The following LEPROTL1 variants were observed in gnomAD, a reference collection of about 807,000 sequenced individuals.
LEPROTL1 encodes leptin receptor overlapping transcript like 1, also known as leptin receptor overlapping transcript-like 1.
In LEPROTL1, 6 loss-of-function variants were observed where a neutral mutation model predicts 15.4. That is an observed-to-expected ratio of 0.39 (90% CI 0.21 to 0.77). The LOEUF (loss-of-function observed/expected upper bound fraction) is 0.77, where lower values mean the gene tolerates loss of function less well. Among genes scored for constraint, LEPROTL1 ranks in the 30% least tolerant of loss-of-function variants. The pLI, the probability that LEPROTL1 is intolerant of heterozygous loss-of-function variation, is 0.41. For missense variants in LEPROTL1, 128 were observed against 158.1 expected (o/e 0.81, Z 1.02); for synonymous variants, 56 against 52.6 (o/e 1.06, Z -0.28).
At chr8:30,102,601 A>G (rs972010751) in intron 2 of LEPROTL1, among the ~76,000 whole-genome samples, 3 of 151,884 alleles carry the variant, frequency 2.0e-5, no homozygotes, top group African/African-American at 7.3e-5. Flanking sequence ...GCGGTGAGCC[A>G]AGATCACGCC....
At chr8:30,135,238 G>A (rs1464066452) in intron 4 of LEPROTL1, among the ~76,000 whole-genome samples, 2 of 152,120 alleles carry the variant, frequency 1.3e-5, no homozygotes, top group Non-Finnish European at 2.9e-5. Flanking sequence ...TATTTAGGGT[G>A]ACATCAGGCA....
intron 1 of LEPROTL1, among the ~76,000 whole-genome samples, chr8:30,100,047 G>A (rs562709371): frequency 7.1e-4 from 108 of 152,274 alleles, no homozygotes; most frequent in Non-Finnish European, 1.2e-3. Flanking sequence ...GAAGTGCCTC[G>A]TTTGCTGTAA....
intron 4 of LEPROTL1, among the ~76,000 whole-genome samples, chr8:30,136,380 C>T (rs1405583415): frequency 2.6e-5 from 4 of 152,220 alleles, no homozygotes; most frequent in African/African-American, 9.7e-5. Context: ...CGAGAATGGC[C>T]TCAGAAGAAC....
At chr8:30,113,994 G>A (rs1454437791) in intron 3 of LEPROTL1, among the ~76,000 whole-genome samples, 1 of 152,152 alleles carries the variant, frequency 6.6e-6, no homozygotes, top group Non-Finnish European at 1.5e-5. Context: ...GTTAAAGTTA[G>A]AGAACATTTT....
At chr8:30,101,854 ATAT>A in intron 1 of LEPROTL1, 41 bp from the exon 2 acceptor site, 1 of 1,185,934 alleles carries the variant, frequency 8.4e-7, no homozygotes, top group Non-Finnish European at 1.2e-6. Context: ...AATAAAAATA[ATAT>A]TTAATTTATA....
chr8:30,115,303 G>A (rs1230406201), intron 3 of LEPROTL1, among the ~76,000 whole-genome samples: 2 of 151,866 alleles, frequency 1.3e-5, no homozygotes, highest in Admixed American at 1.3e-4. Flanking sequence ...ATTGCAGTGA[G>A]CCAAGATTTC....
chr8:30,137,237 T>C, intron 4 of LEPROTL1: 6 of 1,483,352 alleles, frequency 4.0e-6, no homozygotes, highest in African/African-American at 1.4e-5. Context: ...AACACTTCTC[T>C]AGACTGTAAT....
At position 30,100,898 on chromosome 8, in the gene LEPROTL1, A is replaced by G. The variant is rs951049828; in HGVS notation, c.17-1000A>G. 4.6e-5 allele frequency among the ~76,000 whole-genome samples: 7 copies of G among 151,682 alleles called. 1 individual carries two copies. Among genetic ancestry groups the G allele is most frequent in the Admixed American group, 3.9e-4 (6 of 15,206 alleles). ...GTGTGCGCGCGTAGCTTTAGAAACT[A>G]TATTTCACCTGTAGAATGCATCTAT... is the stretch of plus-strand genomic sequence containing the variant. On this transcript the variant is annotated intron_variant, in intron 1 of 3. Transcript: ENST00000321250.
At chr8:30,127,426 G>T (rs1280839998) in intron 3 of LEPROTL1, among the ~76,000 whole-genome samples, 1 of 152,194 alleles carries the variant, frequency 6.6e-6, no homozygotes, top group Non-Finnish European at 1.5e-5. Context: ...GTTTCCATGG[G>T]TTACTGAGCT....
chr8:30,097,696 T>TACACACACACACACAC (rs1470929284), intron 1 of LEPROTL1, among the ~76,000 whole-genome samples: 8 of 108,984 alleles, frequency 7.3e-5, no homozygotes, highest in Admixed American at 2.3e-4. Flanking sequence ...TATATATATA[T>TACACACACACACACAC]ATACACACAC....
rs983626733 is a variant in LEPROTL1, at chr8:30,107,257, A to G, written c.*1395A>G. 5.4e-5 allele frequency: 53 copies of G among 985,426 alleles called. No homozygotes were observed. The highest frequency in any genetic ancestry group is 1.4e-5 in the Non-Finnish European group (12 of 829,936). The allele number at this position is 985,426 out of a possible 1,614,324, so 61.0% of individuals were successfully genotyped here. ...AAACATACCTGACCAAAAAATTCCC[A>G]GTAACCAGGCATGATCAATTTATAG... On this transcript the variant is annotated 3_prime_UTR_variant, in exon 4 of 4. Transcript: ENST00000321250.
At chr8:30,129,180 C>G (rs574617474) in intron 3 of LEPROTL1, among the ~76,000 whole-genome samples, 1 of 152,164 alleles carries the variant, frequency 6.6e-6, no homozygotes, top group Admixed American at 6.5e-5. Context: ...AGATTACAGG[C>G]GTGAGCCACT....
At chr8:30,096,981 A>T (rs757342280) in intron 1 of LEPROTL1, among the ~76,000 whole-genome samples, 3 of 152,224 alleles carry the variant, frequency 2.0e-5, no homozygotes, top group African/African-American at 7.2e-5. Context: ...CTCCCAGGTT[A>T]GAGAAGTGGT....
At chr8:30,102,942 A>C (rs965513669) in intron 2 of LEPROTL1, among the ~76,000 whole-genome samples, 1 of 152,156 alleles carries the variant, frequency 6.6e-6, no homozygotes, top group African/African-American at 2.4e-5. Flanking sequence ...CTCTCAAAGT[A>C]TATATTCTTT....
At chr8:30,120,552 A>G (rs1010158848) in intron 3 of LEPROTL1, among the ~76,000 whole-genome samples, 1 of 152,190 alleles carries the variant, frequency 6.6e-6, no homozygotes, top group Non-Finnish European at 1.5e-5. Context: ...TGTTTCTGAG[A>G]TGGGTTCTTT....
intron 3 of LEPROTL1, among the ~76,000 whole-genome samples, chr8:30,122,038 G>A (rs930784463): frequency 2.6e-5 from 4 of 151,674 alleles, no homozygotes; most frequent in African/African-American, 4.8e-5. Flanking sequence ...GTGGTGGCAC[G>A]CGCCTGTAAT....
Position 30,105,985 on chromosome 8 carries a change from T to A in LEPROTL1, c.*123T>A. ...AGCCTCTTGGGGGTATTTTAGGTGC[T>A]CCCTTCTCACTTTTATTGTAAGCAT... On this transcript the variant is annotated 3_prime_UTR_variant, in exon 4 of 4. Coordinates refer to ENST00000321250, the MANE Select transcript of LEPROTL1 (RefSeq NM_015344.3). 1.5e-6 allele frequency: 2 copies of A among 1,292,270 alleles called. No homozygotes were observed. Among genetic ancestry groups the A allele is most frequent in the South Asian group, 2.3e-5 (1 of 43,344 alleles). 80.1% of individuals were successfully genotyped at this position (1,292,270 alleles called of 1,614,324 possible). A position where few individuals can be genotyped will look rare whatever the true frequency, so the allele number is the denominator to read the frequency against.
intron 4 of LEPROTL1, chr8:30,137,176 G>A: frequency 1.0e-6 from 1 of 964,094 alleles, no homozygotes; most frequent in Non-Finnish European, 1.6e-6. Flanking sequence ...GAGATCTCCA[G>A]ATCACAAAGC....
intron 3 of LEPROTL1, among the ~76,000 whole-genome samples, chr8:30,129,704 G>A (rs916059370): frequency 7.1e-6 from 1 of 140,200 alleles, no homozygotes; most frequent in Non-Finnish European, 1.5e-5. Flanking sequence ...GACAGAGTGA[G>A]ACCCTGTCAC....
Sources: gnomAD v4.1 joint callset for allele counts (sites outside exome capture counted in the v4.1 genomes callset) on GRCh38, gnomAD v4.1.1 for gene constraint, MANE v1.5 for transcripts, NCBI Gene and HGNC (gene_info 2026-07-23, HGNC 2026-07-21) for gene names.